The following DACH2 variants were observed in gnomAD, a reference collection of about 807,000 sequenced individuals.
DACH2 encodes the protein dachshund family transcription factor 2.
DACH2 carries 17 observed loss-of-function variants against 35.8 expected under a neutral mutation model. The observed-to-expected ratio is 0.48, with a 90% CI of 0.33 to 0.71. DACH2 has a LOEUF of 0.71. DACH2 is among the 30% of genes least tolerant of loss of function. The probability of loss-of-function intolerance (pLI) is 0.02; values close to 1 mark genes in which losing one functional copy is unlikely to be tolerated. For synonymous variants in DACH2, 195 were observed against 177.3 expected (o/e 1.10, Z -0.79); for missense variants, 469 against 472.7 (o/e 0.99, Z 0.07).
At chrX:86,292,906 A>T (rs1395676986) in intron 1 of DACH2, among the ~76,000 whole-genome samples, 3 of 105,018 alleles carry the variant, frequency 2.9e-5, no homozygotes, top group African/African-American at 3.5e-5. Flanking sequence ...TATTCTGTTG[A>T]TTTGGGGTGG....
At chrX:86,250,650 A>G (rs2033380725) in intron 1 of DACH2, among the ~76,000 whole-genome samples, 1 of 111,632 alleles carries the variant, frequency 9.0e-6, no homozygotes, top group African/African-American at 3.2e-5. Flanking sequence ...CATTCTTATT[A>G]TAAACAGTGT....
chrX:86,443,892 C>T (rs2037214177), intron 2 of DACH2, among the ~76,000 whole-genome samples: 1 of 111,240 alleles, frequency 9.0e-6, no homozygotes, highest in Non-Finnish European at 1.9e-5. Flanking sequence ...CTGTTAAATT[C>T]ACTTTGCTAG....
chrX:86,418,726 C>T (rs2036751111), intron 2 of DACH2, among the ~76,000 whole-genome samples: 1 of 111,613 alleles, frequency 9.0e-6, no homozygotes, highest in African/African-American at 3.2e-5. Context: ...GAGACATTTT[C>T]CCCACTGTCT....
At chrX:86,540,785 A>G (rs760074536) in intron 3 of DACH2, among the ~76,000 whole-genome samples, 1 of 111,990 alleles carries the variant, frequency 8.9e-6, no homozygotes, top group South Asian at 3.7e-4. Flanking sequence ...TGCTACTCAG[A>G]CAGGCTGTGA....
intron 2 of DACH2, among the ~76,000 whole-genome samples, chrX:86,468,217 C>T (rs2037705298): frequency 9.0e-6 from 1 of 111,446 alleles, no homozygotes; most frequent in Non-Finnish European, 1.9e-5. Context: ...GGCACTAATA[C>T]AGAATATGGC....
intron 1 of DACH2, among the ~76,000 whole-genome samples, chrX:86,320,653 C>T (rs1220956173): frequency 8.9e-6 from 1 of 112,630 alleles, no homozygotes; most frequent in Non-Finnish European, 1.9e-5. Context: ...AAAACCACTA[C>T]TACAACTGTG....
intron 2 of DACH2, among the ~76,000 whole-genome samples, chrX:86,379,558 G>A (rs2036016713): frequency 9.0e-6 from 1 of 110,679 alleles, no homozygotes; most frequent in East Asian, 2.8e-4. Context: ...TGCTTTAATG[G>A]TCACAATGAT....
intron 1 of DACH2, among the ~76,000 whole-genome samples, chrX:86,165,063 C>T (rs2030896521): frequency 1.8e-5 from 2 of 110,896 alleles, no homozygotes; most frequent in Non-Finnish European, 3.8e-5. Context: ...TTATTTTGAC[C>T]CATAAGCATG....
In DACH2 at chrX:86,798,715, G is replaced by A. The variant is rs140104909; in HGVS notation, c.1241-14141G>A. 211 of 123,177 alleles carry A rather than the reference G, an allele frequency of 1.7e-3. No individual in the cohort carries two copies. The Middle Eastern group carries it at 0.023, about 13-fold the overall frequency. 10.2% of individuals were successfully genotyped at this position (123,177 alleles called of 1,213,427 possible). ...AAACTTGTTAAAAGAAACATCCAGG[G>A]CCCTTGCAATTGGCTTTCTGGGCAT... On this transcript the variant is annotated intron_variant, in intron 7 of 11. Transcript: ENST00000373125.
intron 3 of DACH2, among the ~76,000 whole-genome samples, chrX:86,589,706 T>C (rs1185789164): frequency 3.6e-5 from 4 of 111,712 alleles, no homozygotes; most frequent in Non-Finnish European, 7.5e-5. Context: ...TCACTTCCCC[T>C]GAATGCCTGA....
intron 3 of DACH2, among the ~76,000 whole-genome samples, chrX:86,557,154 T>A (rs958271011): frequency 9.0e-5 from 10 of 110,749 alleles, no homozygotes; most frequent in African/African-American, 2.9e-4. Flanking sequence ...ATCTTGGCCC[T>A]CAGAGGATGG....
At chrX:86,218,823 G>T (rs1004349854) in intron 1 of DACH2, among the ~76,000 whole-genome samples, 27 of 111,528 alleles carry the variant, frequency 2.4e-4, no homozygotes, top group Non-Finnish European at 4.5e-4. Context: ...AATAATCAAT[G>T]TTTATGCTTA....
At chrX:86,550,582 T>TGTCATGAGG (rs1386451590) in intron 3 of DACH2, among the ~76,000 whole-genome samples, 2 of 111,580 alleles carry the variant, frequency 1.8e-5, no homozygotes, top group Non-Finnish European at 3.8e-5. Context: ...CCCTGTGCTA[T>TGTCATGAGG]TCTCAGGTTG....
intron 3 of DACH2, among the ~76,000 whole-genome samples, chrX:86,590,454 G>A (rs2039629483): frequency 9.0e-6 from 1 of 111,603 alleles, no homozygotes; most frequent in Non-Finnish European, 1.9e-5. Flanking sequence ...TTAGTAACTG[G>A]TACATTCACT....
At chrX:86,398,298 G>T (rs1288633182) in intron 2 of DACH2, among the ~76,000 whole-genome samples, 1 of 111,926 alleles carries the variant, frequency 8.9e-6, no homozygotes, top group Non-Finnish European at 1.9e-5. Flanking sequence ...TATTAGTCTT[G>T]CTAGGGGTCT....
intron 5 of DACH2, among the ~76,000 whole-genome samples, chrX:86,708,116 A>T (rs982962599): frequency 9.2e-6 from 1 of 108,942 alleles, no homozygotes; most frequent in Admixed American, 9.9e-5. Flanking sequence ...TCTTAGAAAA[A>T]AATAGGAAAA....
chrX:86,397,787 G>C (rs1468351623), intron 2 of DACH2, among the ~76,000 whole-genome samples: 1 of 111,662 alleles, frequency 9.0e-6, no homozygotes, highest in Non-Finnish European at 1.9e-5. Flanking sequence ...GCTGGATTCG[G>C]TTTGCCATAT....
At position 86,332,221 on chromosome X, in the gene DACH2, T is replaced by C. The variant is rs189673025; in HGVS notation, c.489-44603T>C. 4.9e-3 allele frequency among the ~76,000 whole-genome samples: 550 copies of C among 111,750 alleles called. 2 individuals carry two copies. The highest frequency in any genetic ancestry group is 7.4e-3 in the Non-Finnish European group (394 of 53,072). On this transcript the variant is annotated intron_variant, in intron 1 of 11. Coordinates refer to ENST00000373125, the MANE Select transcript of DACH2 (RefSeq NM_053281.3). ...CTTAGTGGTCGGAGCTATTTATTTCTCACTTTATTTTGTAACAAACAAAAT... is the reference window on the plus strand; with the variant it reads ...CTTAGTGGTCGGAGCTATTTATTTCCCACTTTATTTTGTAACAAACAAAAT...
At chrX:86,591,509 C>T (rs934342031) in intron 3 of DACH2, among the ~76,000 whole-genome samples, 2 of 105,778 alleles carry the variant, frequency 1.9e-5, no homozygotes, top group Non-Finnish European at 3.9e-5. Flanking sequence ...TGTGTATCTT[C>T]TTTAATTAGG....
Sources: allele counts gnomAD v4.1 joint callset (sites outside exome capture counted in the v4.1 genomes callset), GRCh38; gene constraint gnomAD v4.1.1; transcripts MANE v1.5; gene names NCBI Gene and HGNC (gene_info 2026-07-23, HGNC 2026-07-21).